The following PTPRM variants were observed in gnomAD, a reference collection of about 807,000 sequenced individuals.
The protein encoded by PTPRM is protein tyrosine phosphatase receptor type M, also known as receptor-type tyrosine-protein phosphatase mu.
Under a neutral mutation model 186.7 loss-of-function variants are expected in PTPRM, and 47 were observed. That is an observed-to-expected ratio of 0.25 (90% confidence interval 0.20 to 0.32). The LOEUF (loss-of-function observed/expected upper bound fraction) is 0.32, where lower values mean the gene tolerates loss of function less well. Ranked by LOEUF, PTPRM falls within the 10% of genes least tolerant of loss-of-function variation. The pLI, the probability that PTPRM is intolerant of heterozygous loss-of-function variation, is 1.00. For missense variants in PTPRM, 1,494 were observed against 1,865.0 expected, an observed-to-expected ratio of 0.80 and a Z score of 3.66; for synonymous variants, 668 against 674.9, an observed-to-expected ratio of 0.99 and a Z score of 0.16.
At chr18:7,864,741 A>G (rs994218663) in intron 2 of PTPRM, among the ~76,000 whole-genome samples, 1 of 152,132 alleles carries the variant, frequency 6.6e-6, no homozygotes, top group African/African-American at 2.4e-5. Flanking sequence ...AAGAAAGTCA[A>G]TGGTAGCTTG....
At chr18:7,733,069 T>G (rs1412525706) in intron 1 of PTPRM, among the ~76,000 whole-genome samples, 1 of 152,094 alleles carries the variant, frequency 6.6e-6, no homozygotes, top group African/African-American at 2.4e-5. Flanking sequence ...TACAATTTAT[T>G]TATTTTACTT....
chr18:7,964,927 T>C (rs997395669), intron 7 of PTPRM, among the ~76,000 whole-genome samples: 2 of 152,086 alleles, frequency 1.3e-5, no homozygotes, highest in African/African-American at 2.4e-5. Context: ...CATTTACATA[T>C]GAGACACTGT....
chr18:7,698,773 C>T (rs565151045), intron 1 of PTPRM, among the ~76,000 whole-genome samples: 6 of 152,254 alleles, frequency 3.9e-5, no homozygotes, highest in South Asian at 4.1e-4. Flanking sequence ...CTGTCATTTT[C>T]GTTTTCTCCA....
At chr18:8,195,702 C>T (rs1315303520) in intron 14 of PTPRM, among the ~76,000 whole-genome samples, 1 of 152,026 alleles carries the variant, frequency 6.6e-6, no homozygotes, top group Non-Finnish European at 1.5e-5. Context: ...TACATTTGGG[C>T]ATAGAGGGTG....
chr18:7,773,367 G>T (rs1279096284), intron 1 of PTPRM, among the ~76,000 whole-genome samples: 3 of 152,006 alleles, frequency 2.0e-5, no homozygotes, highest in Non-Finnish European at 4.4e-5. Flanking sequence ...CTCTATTATT[G>T]TGCCAGGATT....
chr18:7,719,610 G>A (rs931001252), intron 1 of PTPRM, among the ~76,000 whole-genome samples: 2 of 152,154 alleles, frequency 1.3e-5, no homozygotes, highest in Non-Finnish European at 2.9e-5. Flanking sequence ...ATTAGGTGTA[G>A]ATAAAACATT....
At chr18:8,221,399 GA>G (rs2094151480) in intron 14 of PTPRM, among the ~76,000 whole-genome samples, 1 of 152,164 alleles carries the variant, frequency 6.6e-6, no homozygotes, top group Non-Finnish European at 1.5e-5. Flanking sequence ...ATGCAATGTT[GA>G]ATGGATTGTT....
intron 1 of PTPRM, among the ~76,000 whole-genome samples, chr18:7,738,696 C>T (rs1407026916): frequency 1.3e-5 from 2 of 151,988 alleles, no homozygotes; most frequent in Non-Finnish European, 2.9e-5. Context: ...CCGCCTCGGC[C>T]TCCCAAAGTG....
intron 1 of PTPRM, among the ~76,000 whole-genome samples, chr18:7,685,927 T>A (rs1019790896): frequency 2.2e-4 from 34 of 152,146 alleles, no homozygotes; most frequent in Middle Eastern, 3.4e-3. Context: ...TGGACTGCAG[T>A]TCACTTAAAG....
intron 10 of PTPRM, among the ~76,000 whole-genome samples, chr18:8,087,614 T>C (rs933956940): frequency 6.6e-6 from 1 of 152,120 alleles, no homozygotes; most frequent in Non-Finnish European, 1.5e-5. Flanking sequence ...AGTTTACAGG[T>C]CCTGTTTTCA....
chr18:7,774,170 C>T lies in PTPRM; in HGVS notation c.95C>T (p.Pro32Leu), dbSNP rs746224951. 3.7e-6 allele frequency: 6 copies of T among 1,611,218 alleles called. No homozygotes were observed. The highest frequency in any genetic ancestry group is 3.3e-5 in the South Asian group (3 of 90,946). ...TTAGGTGGCTGCCTCTTTGATGAGC[C>T]GTATAGCACATGTGGATATAGTCAA... is the stretch of plus-strand genomic sequence containing the variant. ...TFSGGCLFDE[P>L]YSTCGYSQSE... Residue 32 changes from proline (P) to leucine (L), a missense_variant, in exon 2 of 33, where the codon CCG (proline) becomes CTG (leucine). By Grantham distance (98) the Pro-to-Leu change is moderately conservative. Transcript: ENST00000580170.
intron 3 of PTPRM, among the ~76,000 whole-genome samples, chr18:7,901,510 G>C (rs949710371): frequency 6.6e-6 from 1 of 152,262 alleles, no homozygotes; most frequent in Non-Finnish European, 1.5e-5. Context: ...GGGACTACAG[G>C]CGCCCGCCAA....
At chr18:8,008,627 C>G (rs941120439) in intron 7 of PTPRM, among the ~76,000 whole-genome samples, 3 of 152,066 alleles carry the variant, frequency 2.0e-5, no homozygotes, top group Non-Finnish European at 4.4e-5. Context: ...ATGAATTGTT[C>G]TCTTTGACTT....
chr18:7,663,757 C>T (rs922221988), intron 1 of PTPRM, among the ~76,000 whole-genome samples: 31 of 152,284 alleles, frequency 2.0e-4, no homozygotes, highest in East Asian at 5.8e-4. Flanking sequence ...CTGGACATGT[C>T]GTGGTGTTTT....
chr18:8,113,695 A>G lies in PTPRM; in HGVS notation c.2066A>G (p.Asn689Ser). 1 of 1,613,806 alleles carries G rather than the reference A, an allele frequency of 6.2e-7. No homozygotes were observed. Among genetic ancestry groups the G allele is most frequent in the Non-Finnish European group, 8.5e-7 (1 of 1,179,730 alleles). ...AATAAGACATATAATGGATACTGGA[A>G]CACTCCCCTTCTCCCCTATAAAAGC... ...GDNKTYNGYW[N>S]TPLLPYKSYR... The change falls in exon 12 of 33, where the codon AAC (asparagine) becomes AGC (serine). Residue 689 changes from asparagine to serine, a missense_variant. This residue lies in a region of PTPRM where 1,107 missense variants were observed against 1,350.2 expected (regional missense o/e 0.82). Coordinates refer to ENST00000580170, the MANE Select transcript of PTPRM (RefSeq NM_001105244.2).
At chr18:7,604,390 C>G (rs2037479721) in intron 1 of PTPRM, among the ~76,000 whole-genome samples, 1 of 152,228 alleles carries the variant, frequency 6.6e-6, no homozygotes, top group African/African-American at 2.4e-5. Context: ...ACAACGAAAA[C>G]TTGATTCCTG....
chr18:8,239,870 A>C (rs1397303639), intron 14 of PTPRM, among the ~76,000 whole-genome samples: 1 of 152,188 alleles, frequency 6.6e-6, no homozygotes, highest in Non-Finnish European at 1.5e-5. Flanking sequence ...AAGAACCTTT[A>C]ATTTAATTAC....
At chr18:8,183,595 A>G (rs1465982774) in intron 14 of PTPRM, among the ~76,000 whole-genome samples, 1 of 152,180 alleles carries the variant, frequency 6.6e-6, no homozygotes, top group Non-Finnish European at 1.5e-5. Flanking sequence ...CTCAGCAGGA[A>G]TATATGTATT....
intron 2 of PTPRM, chr18:7,815,844 G>A (rs575018025): frequency 6.6e-6 from 1 of 152,224 alleles, no homozygotes; most frequent in South Asian, 2.1e-4. Flanking sequence ...AATAAAGAAA[G>A]GCAAAATGAG....
Sources: gnomAD v4.1 joint callset for allele counts (sites outside exome capture counted in the v4.1 genomes callset) on GRCh38, gnomAD v4.1.1 for gene constraint, gnomAD v4.1.1 regional missense constraint, MANE v1.5 for transcripts, NCBI Gene and HGNC (gene_info 2026-07-23, HGNC 2026-07-21) for gene names.